Variants in TRIP13 observed in about 807,000 individuals in gnomAD.
TRIP13 encodes thyroid hormone receptor interactor 13.
A neutral mutation model predicts 54.4 loss-of-function variants in TRIP13; 25 were observed. The ratio of observed to expected loss-of-function variants is 0.46; its 90% CI spans 0.33 to 0.64. The LOEUF (loss-of-function observed/expected upper bound fraction) is 0.64, where lower values mean the gene tolerates loss of function less well. Among genes scored for constraint, TRIP13 ranks in the 30% least tolerant of loss-of-function variants. The pLI is 0.02. For missense variants in TRIP13, 373 were observed against 534.2 expected, an observed-to-expected ratio of 0.70 and a Z score of 2.97; for synonymous variants, 207 against 207.8, an observed-to-expected ratio of 1.00 and a Z score of 0.03.
At chr5:914,714 T>G in intron 11 of TRIP13, 137 bp downstream of exon 11, 5 of 660,516 alleles carry the variant, frequency 7.6e-6, no homozygotes, top group Middle Eastern at 2.9e-4. Context: ...AACATGCATG[T>G]ACACACGTGT....
intron 6 of TRIP13, 79 bp downstream of exon 6, chr5:904,299 T>G: frequency 8.2e-7 from 1 of 1,214,672 alleles, no homozygotes; most frequent in East Asian, 2.4e-5. Context: ...TTTTTCTAAA[T>G]CATTTTACGC....
intron 11 of TRIP13, 121 bp downstream of exon 11, chr5:914,698 G>T: frequency 1.3e-6 from 1 of 749,802 alleles, no homozygotes. Context: ...ACACAGTATA[G>T]GTATGAACAT....
At position 907,140 on chromosome 5, in the gene TRIP13, G is replaced by A. The variant is rs1488824194; in HGVS notation, c.619G>A (p.Gly207Ser). ...TTTTTTCTATCTCAGGTACCGATAT[G>A]GCCAATTAATTGAAATAAACAGCCA... ...TIRLSSRYRY[G>S]QLIEINSHSL... Residue 207 changes from glycine (G) to serine (S), a missense_variant, in exon 7 of 13, where the codon GGC becomes AGC. By Grantham distance (56) the Gly-to-Ser change is moderately conservative. This residue lies in a region of TRIP13 where 119 missense variants were observed against 223.0 expected (regional missense o/e 0.53). Transcript: ENST00000166345. This position sits in a 1 kb window ranked among gnomAD's most constrained non-coding sequence, Gnocchi z 4.1. 2.5e-6 allele frequency: 4 copies of A among 1,614,012 alleles called. No individual in the cohort carries two copies. The highest frequency in any genetic ancestry group is 3.4e-6 in the Non-Finnish European group (4 of 1,179,918).
Position 914,470 on chromosome 5 carries a change from G to A in TRIP13, c.1026G>A (p.Gln342=). ...CTGTACTTCTGTCTCCCCAGTGTCA[G>A]ATCATATACCCTCGCCAGCAGCTGC... ...LSCLEELMKC[Q]IIYPRQQLLT... is the part of the protein sequence containing the mutation. Residue 342 remains glutamine, a synonymous_variant, in exon 11 of 13, where the codon CAG becomes CAA. Transcript: ENST00000166345. 1 of 1,612,820 alleles carries A rather than the reference G, an allele frequency of 6.2e-7. No homozygotes were observed.
At chr5:904,047 C>T in intron 5 of TRIP13, 101 bp from the exon 6 acceptor site, 1 of 1,066,698 alleles carries the variant, frequency 9.4e-7, no homozygotes, top group South Asian at 1.6e-5. Flanking sequence ...TAGCTTTTAA[C>T]TGTATTCCTT....
Position 892,976 on chromosome 5 carries a change from T to C in TRIP13, c.-23T>C. 1 of 1,533,150 alleles carries C rather than the reference T, an allele frequency of 6.5e-7. No individual in the cohort carries two copies. 95.0% of individuals were successfully genotyped at this position (1,533,150 alleles called of 1,614,324 possible). ...TGGCGGCGGCCGCGCCCTGGTTGGGTCCCCACTGCTCTCGGGGGCGCCATG... is the reference window on the plus strand; with the variant it reads ...TGGCGGCGGCCGCGCCCTGGTTGGGCCCCCACTGCTCTCGGGGGCGCCATG... On this transcript the variant is annotated 5_prime_UTR_variant, in exon 1 of 13. Coordinates refer to ENST00000166345, the MANE Select transcript of TRIP13 (RefSeq NM_004237.4).
In TRIP13 at chr5:907,078, A is replaced by C; in HGVS notation, c.609-52A>C. The stretch of plus-strand genomic sequence containing the variant: ...CAGGACGCGTGAATGGCTGCCGCTG[A>C]GGATCCACAGGACCAGTTAGTAATT... On this transcript the variant is annotated intron_variant, in intron 6 of 12. Transcript: ENST00000166345. The surrounding 1 kb of genome is among the most constrained non-coding windows in gnomAD (Gnocchi z 4.1). The C allele has an allele frequency of 6.6e-7, 1 of 1,525,080 alleles. No homozygotes were observed. The highest frequency in any genetic ancestry group is 2.3e-5 in the East Asian group (1 of 44,426). The allele number at this position is 1,525,080 out of a possible 1,614,324, so 94.5% of individuals were successfully genotyped here.
At chr5:900,762 G>A (rs1037606263) in intron 4 of TRIP13, among the ~76,000 whole-genome samples, 4 of 152,230 alleles carry the variant, frequency 2.6e-5, no homozygotes, top group African/African-American at 7.2e-5. Flanking sequence ...GGGAAAGGGA[G>A]AACGTGAAGG....
intron 3 of TRIP13, 111 bp from the exon 4 acceptor site, chr5:900,383 G>A (rs1205335074): frequency 9.7e-7 from 1 of 1,033,178 alleles, no homozygotes; most frequent in Non-Finnish European, 1.4e-6. Flanking sequence ...TCATAGTCTT[G>A]CCTGGAGCAG....
rs1048587281 is a variant in TRIP13 at position 913,956 on chromosome 5, A to T, written c.1021-509A>T. Among the ~76,000 whole-genome samples the T allele has an allele frequency of 6.6e-6, 1 of 152,152 alleles. No homozygotes were observed. The highest frequency in any genetic ancestry group is 1.5e-5 in the Non-Finnish European group (1 of 68,030). On this transcript the variant is annotated intron_variant, in intron 10 of 12. Transcript: ENST00000166345. This position sits in a 1 kb window ranked among gnomAD's most constrained non-coding sequence, Gnocchi z 4.5. ...ATGACTTCCAGACAAATGATCTCTG[A>T]GGGGAACTTCTGGTGCTCAGCTCCT...
At chr5:895,033 G>T in intron 2 of TRIP13, 81 bp downstream of exon 2, 1 of 1,445,796 alleles carries the variant, frequency 6.9e-7, no homozygotes, top group Non-Finnish European at 9.3e-7. Context: ...CGTTTTCATA[G>T]CCTGTTGTCA....
rs1325102020 is a variant in TRIP13, at chr5:903,498, CTTATT to C, written c.536-643_536-639del. Among the ~76,000 whole-genome samples the C allele has an allele frequency of 3.9e-5, 6 of 151,982 alleles. No homozygotes were observed. The South Asian group carries it at 6.3e-4, about 16-fold the overall frequency. Reference sequence around the variant, plus strand: ...AAGATCTATATCTAGTATAATTATTCTTATTTTATTTATTTTATTATACTGGAACA... The same window carrying C: ...AAGATCTATATCTAGTATAATTATTCTTATTTATTTTATTATACTGGAACA... On this transcript the variant is annotated intron_variant, in intron 5 of 12. Transcript: ENST00000166345.
In TRIP13 at chr5:915,714, G is replaced by T. The variant is rs1754328081; in HGVS notation, c.1134-190G>T. Reference sequence around the variant, plus strand: ...GAGACCGGCCCCATACGAGAGGCCGGGGGCAAAGAGACATTCAGAGGGCAA... The same window carrying T: ...GAGACCGGCCCCATACGAGAGGCCGTGGGCAAAGAGACATTCAGAGGGCAA... On this transcript the variant is annotated intron_variant, in intron 11 of 12. Coordinates refer to ENST00000166345, the MANE Select transcript of TRIP13 (RefSeq NM_004237.4). The surrounding 1 kb of genome is among the most constrained non-coding windows in gnomAD (Gnocchi z 4.2). 6.6e-6 allele frequency among the ~76,000 whole-genome samples: 1 copy of T among 152,210 alleles called. No homozygotes were observed. Among genetic ancestry groups the T allele is most frequent in the Non-Finnish European group, 1.5e-5 (1 of 68,020 alleles).
rs578223277 is a variant in TRIP13, at chr5:909,117, G to T, written c.866+656G>T. Among the ~76,000 whole-genome samples the T allele has an allele frequency of 2.0e-5, 3 of 152,322 alleles. No homozygotes were observed. In the East Asian group the frequency reaches 5.8e-4, roughly 29 times the overall value. ...AACTAGTGCTGCTCGTAGGTGAATG[G>T]CTGTCCCCTGCTCGCCCTGCTGGCC... On this transcript the variant is annotated intron_variant, in intron 9 of 12. Coordinates refer to ENST00000166345, the MANE Select transcript of TRIP13 (RefSeq NM_004237.4).
Position 896,760 on chromosome 5 carries a change from C to T in TRIP13, c.354C>T (p.Asn118=). Residue 118 remains asparagine (N), a synonymous_variant, in exon 3 of 13, where the codon AAC becomes AAT. Transcript: ENST00000166345. ...SSENLEEETE[N]IIAANHWVLP... is the part of the protein sequence containing the mutation. The stretch of plus-strand genomic sequence containing the variant: ...AAAATCTGGAGGAAGAGACAGAAAA[C>T]ATAATTGCAGCAAATCACTGGGTTC... 1 of 1,613,674 alleles carries T rather than the reference C, an allele frequency of 6.2e-7. No homozygotes were observed. Among genetic ancestry groups the T allele is most frequent in the East Asian group, 2.2e-5 (1 of 44,868 alleles).
In TRIP13 at chr5:908,281, C is replaced by G. The variant is rs1291084430; in HGVS notation, c.760-74C>G. Reference sequence around the variant, plus strand: ...TCATTCATCTTTTTCACGTGCTCAGCGGGACGTATCCCCATAGCTGCCTGT... The same window carrying G: ...TCATTCATCTTTTTCACGTGCTCAGGGGGACGTATCCCCATAGCTGCCTGT... On this transcript the variant is annotated intron_variant, in intron 8 of 12. Coordinates refer to ENST00000166345, the MANE Select transcript of TRIP13 (RefSeq NM_004237.4). The surrounding 1 kb of genome is among the most constrained non-coding windows in gnomAD (Gnocchi z 5.2). 2.0e-6 allele frequency: 3 copies of G among 1,529,012 alleles called. No homozygotes were observed. In the African/African-American group the frequency reaches 4.1e-5, roughly 21 times the overall value. The allele number at this position is 1,529,012 out of a possible 1,614,324, so 94.7% of individuals were successfully genotyped here.
chr5:901,379 C>G lies in TRIP13; in HGVS notation c.483C>G (p.Asp161Glu). The change falls in exon 5 of 13, where the codon GAC becomes GAG. Residue 161 changes from aspartate (D) to glutamate (E), a missense_variant. This residue lies in a region of TRIP13 where 119 missense variants were observed against 223.0 expected (regional missense o/e 0.53). Transcript: ENST00000166345. ...TGATGACAACTTTACTGTTTTCAGA[C>G]AAGAACGTCAACAGCAACCTCATCA... ...DYVMTTLLFS[D>E]KNVNSNLITW... 1 of 1,614,200 alleles carries G rather than the reference C, an allele frequency of 6.2e-7. No homozygotes were observed. Among genetic ancestry groups the G allele is most frequent in the South Asian group, 1.1e-5 (1 of 91,082 alleles).
At chr5:900,468 C>G (rs1283030137) in intron 3 of TRIP13, 26 bp from the exon 4 acceptor site, 2 of 1,612,842 alleles carry the variant, frequency 1.2e-6, no homozygotes, top group East Asian at 2.2e-5. Context: ...TTCCTGAAAT[C>G]AGGTCTTTGT....
chr5:908,273 G>C lies in TRIP13; in HGVS notation c.760-82G>C. On this transcript the variant is annotated intron_variant, in intron 8 of 12. Transcript: ENST00000166345. This position sits in a 1 kb window ranked among gnomAD's most constrained non-coding sequence, Gnocchi z 5.2. ...ACACCCATTCATTCATCTTTTTCAC[G>C]TGCTCAGCGGGACGTATCCCCATAG... 1 of 1,513,496 alleles carries C rather than the reference G, an allele frequency of 6.6e-7. No individual in the cohort carries two copies. The highest frequency in any genetic ancestry group is 9.1e-7 in the Non-Finnish European group (1 of 1,100,498). 93.8% of individuals were successfully genotyped at this position (1,513,496 alleles called of 1,614,324 possible).
Sources: gnomAD v4.1 joint callset for allele counts (sites outside exome capture counted in the v4.1 genomes callset) on GRCh38, gnomAD v4.1.1 for gene constraint, gnomAD v4.1.1 regional missense constraint, Gnocchi (gnomAD v3.1) non-coding constraint, MANE v1.5 for transcripts, NCBI Gene and HGNC (gene_info 2026-07-23, HGNC 2026-07-21) for gene names.